CCDC91: variants seen among roughly 807,000 people sequenced by gnomAD.
The protein encoded by CCDC91 is coiled-coil domain-containing protein 91.
Under a neutral mutation model 63.2 loss-of-function variants are expected in CCDC91, and 48 were observed. The ratio of observed to expected loss-of-function variants is 0.76; its 90% CI spans 0.60 to 0.97. The LOEUF is 0.97. CCDC91 is among the 50% of genes least tolerant of loss of function. CCDC91 has a pLI of 0.00. For missense variants in CCDC91, 500 were observed against 494.6 expected (o/e 1.01, Z -0.10); for synonymous variants, 167 against 165.8 (o/e 1.01, Z -0.06).
chr12:28,496,889 G>GATATAAGGTATATATACACACAT (rs1952314309), intron 12 of CCDC91, among the ~76,000 whole-genome samples: 1 of 145,316 alleles, frequency 6.9e-6, no homozygotes, highest in Non-Finnish European at 1.5e-5. Flanking sequence ...TATATATGTA[G>GATATAAGGTATATATACACACAT]ATATAAGGTA....
At chr12:28,217,780 T>G (rs547039192) in intron 1 of CCDC91, among the ~76,000 whole-genome samples, 1 of 152,190 alleles carries the variant, frequency 6.6e-6, no homozygotes, top group East Asian at 1.9e-4. Context: ...AGGCTTTAGT[T>G]TGGATGCAGG....
intron 7 of CCDC91, among the ~76,000 whole-genome samples, chr12:28,379,972 A>G (rs552013201): frequency 6.6e-6 from 1 of 152,322 alleles, no homozygotes; most frequent in Non-Finnish European, 1.5e-5. Context: ...TGGCACATAT[A>G]CACAATGGAA....
intron 12 of CCDC91, chr12:28,505,480 G>C (rs565206686): frequency 6.6e-6 from 1 of 152,016 alleles, no homozygotes; most frequent in South Asian, 2.1e-4. Context: ...ACTTGGATGG[G>C]AGAGAATTGA....
At chr12:28,488,883 TA>T (rs1370448073) in intron 12 of CCDC91, among the ~76,000 whole-genome samples, 2 of 151,948 alleles carry the variant, frequency 1.3e-5, no homozygotes, top group Non-Finnish European at 2.9e-5. Context: ...TCAATCACTG[TA>T]AATTCTATAG....
intron 11 of CCDC91, among the ~76,000 whole-genome samples, chr12:28,466,680 C>G (rs780538910): frequency 6.6e-6 from 1 of 152,030 alleles, no homozygotes; most frequent in African/African-American, 2.4e-5. Context: ...GGGATTTTAT[C>G]AACACAGGAC....
chr12:28,337,677 C>T (rs1942093219), intron 6 of CCDC91, among the ~76,000 whole-genome samples: 1 of 151,980 alleles, frequency 6.6e-6, no homozygotes, highest in African/African-American at 2.4e-5. Flanking sequence ...CCACTTAATA[C>T]ATGGAAAAAG....
intron 11 of CCDC91, among the ~76,000 whole-genome samples, chr12:28,456,743 A>T (rs2140405056): frequency 6.6e-6 from 1 of 152,234 alleles, no homozygotes; most frequent in Admixed American, 6.5e-5. Context: ...TCATGGGGTT[A>T]AAAAATCTAA....
chr12:28,413,647 C>T lies in CCDC91; in HGVS notation c.762+22236C>T, dbSNP rs535970398. ...AACTGCGCACCTAAATTTGTTCTTC[C>T]TCTTTCTTAGTATAGCGTTGTCACT... On this transcript the variant is annotated intron_variant, in intron 8 of 12. Transcript: ENST00000536442. Among the ~76,000 whole-genome samples the T allele has an allele frequency of 5.3e-5, 8 of 152,252 alleles. No individual in the cohort carries two copies. The East Asian group carries it at 1.5e-3, about 29-fold the overall frequency.
chr12:28,348,269 C>G (rs1402807528), intron 6 of CCDC91, among the ~76,000 whole-genome samples: 4 of 152,204 alleles, frequency 2.6e-5, no homozygotes, highest in African/African-American at 9.6e-5. Context: ...GGAATTTGCT[C>G]CATAGCCATC....
At chr12:28,422,914 T>G (rs1948095963) in intron 8 of CCDC91, among the ~76,000 whole-genome samples, 1 of 152,144 alleles carries the variant, frequency 6.6e-6, no homozygotes, top group South Asian at 2.1e-4. Flanking sequence ...AACTCCTGTT[T>G]AATACTTTTT....
chr12:28,333,872 T>G (rs1941713447), intron 6 of CCDC91, among the ~76,000 whole-genome samples: 1 of 152,260 alleles, frequency 6.6e-6, no homozygotes, highest in South Asian at 2.1e-4. Flanking sequence ...AAAATGTTTT[T>G]CTATTTTTTT....
chr12:28,360,900 A>G lies in CCDC91; in HGVS notation c.577-1538A>G, dbSNP rs541250616. 1.0e-3 allele frequency among the ~76,000 whole-genome samples: 154 copies of G among 151,804 alleles called. 1 individual carries two copies. The highest frequency in any genetic ancestry group is 3.4e-3 in the African/African-American group (139 of 41,440). On this transcript the variant is annotated intron_variant, in intron 6 of 12. Transcript: ENST00000536442. ...CATGTGTCTGGAGAATTTTTTGTGT[A>G]TGTGTTTGTTTTTTTTAGTTAATAC...
chr12:28,507,482 A>G (rs1414276748), intron 12 of CCDC91, among the ~76,000 whole-genome samples: 1 of 152,002 alleles, frequency 6.6e-6, no homozygotes, highest in African/African-American at 2.4e-5. Context: ...CATTCTTCTA[A>G]TCACTAAAGT....
intron 11 of CCDC91, among the ~76,000 whole-genome samples, chr12:28,462,537 A>ATT (rs1950356585): frequency 6.6e-6 from 1 of 152,072 alleles, no homozygotes; most frequent in African/African-American, 2.4e-5. Context: ...CCCATAGAAT[A>ATT]AGTTGCTCTG....
At chr12:28,278,734 G>A (rs1592184276) in intron 3 of CCDC91, among the ~76,000 whole-genome samples, 1 of 151,948 alleles carries the variant, frequency 6.6e-6, no homozygotes, top group Non-Finnish European at 1.5e-5. Context: ...CTTTTAATAT[G>A]CTGTTCTCTT....
intron 6 of CCDC91, among the ~76,000 whole-genome samples, chr12:28,313,100 AT>A (rs907618179): frequency 6.6e-6 from 1 of 151,970 alleles, no homozygotes; most frequent in Non-Finnish European, 1.5e-5. Flanking sequence ...GAATATGGCA[AT>A]TTTTTAATAT....
intron 8 of CCDC91, among the ~76,000 whole-genome samples, chr12:28,432,115 T>C (rs1201814115): frequency 6.6e-6 from 1 of 152,128 alleles, no homozygotes; most frequent in Non-Finnish European, 1.5e-5. Flanking sequence ...CCAAGATACA[T>C]GTGCAGGATG....
intron 12 of CCDC91, among the ~76,000 whole-genome samples, chr12:28,491,933 ATGTG>A (rs201558179): frequency 0.015 from 2,139 of 147,462 alleles, 19 homozygotes; most frequent in African/African-American, 0.022. Flanking sequence ...ATATATCAAA[ATGTG>A]TGTGTGCGTG....
chr12:28,462,002 A>G (rs1403229879), intron 11 of CCDC91, among the ~76,000 whole-genome samples: 1 of 152,084 alleles, frequency 6.6e-6, no homozygotes, highest in Non-Finnish European at 1.5e-5. Context: ...TAGTTTTCCA[A>G]ACTGTGTATC....
Sources: allele counts gnomAD v4.1 joint callset (sites outside exome capture counted in the v4.1 genomes callset), GRCh38; gene constraint gnomAD v4.1.1; transcripts MANE v1.5; gene names NCBI Gene and HGNC (gene_info 2026-07-23, HGNC 2026-07-21).